Variants in DCC observed in about 807,000 individuals in gnomAD.
DCC encodes netrin receptor DCC.
DCC carries 58 observed loss-of-function variants against 172.5 expected under a neutral mutation model. That is an observed-to-expected ratio of 0.34 (90% CI 0.27 to 0.42). The LOEUF is 0.42. Among genes scored for constraint, DCC ranks in the 10% least tolerant of loss-of-function variants. The probability of loss-of-function intolerance (pLI) is 1.00; values close to 1 mark genes in which losing one functional copy is unlikely to be tolerated. For synonymous variants in DCC, 709 were observed against 644.5 expected (o/e 1.10, Z -1.52); for missense variants, 1,740 against 1,791.0 (o/e 0.97, Z 0.51).
chr18:53,484,247 GTTAT>G, intron 25 of DCC, among the ~76,000 whole-genome samples: 1 of 151,782 alleles, frequency 6.6e-6, no homozygotes, highest in Middle Eastern at 3.4e-3. Flanking sequence ...ACTCATTCAA[GTTAT>G]TTACTTTCTT....
intron 5 of DCC, among the ~76,000 whole-genome samples, chr18:53,002,639 A>C (rs1440803904): frequency 7.0e-6 from 1 of 143,660 alleles, no homozygotes; most frequent in Admixed American, 7.0e-5. Flanking sequence ...GATAATAAGC[A>C]CATGCCAGAT....
chr18:52,468,112 C>T (rs1988840087), intron 1 of DCC, among the ~76,000 whole-genome samples: 1 of 152,056 alleles, frequency 6.6e-6, no homozygotes, highest in African/African-American at 2.4e-5. Context: ...TAACTATGTG[C>T]CAGGTTGCAG....
chr18:53,059,075 T>C (rs548960399), intron 5 of DCC, among the ~76,000 whole-genome samples: 2 of 152,164 alleles, frequency 1.3e-5, no homozygotes, highest in African/African-American at 4.8e-5. Flanking sequence ...TTTGTTCACA[T>C]GGTGGCAGCA....
rs200213348 is a variant in DCC at position 53,099,939 on chromosome 18, C to CTTTTTTTTTTTTTTTTTTTTTT, written c.1261+33776_1261+33777insTTTTTTTTTTTTTTTTTTTTTT. Among the ~76,000 whole-genome samples the CTTTTTTTTTTTTTTTTTTTTTT allele has an allele frequency of 6.0e-4, 52 of 87,166 alleles. 7 individuals are homozygous for CTTTTTTTTTTTTTTTTTTTTTT. Among genetic ancestry groups the CTTTTTTTTTTTTTTTTTTTTTT allele is most frequent in the African/African-American group, 1.2e-3 (22 of 18,840 alleles). 57.2% of individuals were successfully genotyped at this position (87,166 alleles called of 152,430 possible). On this transcript the variant is annotated intron_variant, in intron 7 of 28. Transcript: ENST00000442544. ...AAGAGACTTTTCTTTTCTTTTCTTT[C>CTTTTTTTTTTTTTTTTTTTTTT]TTTCTTTTTTTTTTTTTTTTTGTTT...
intron 12 of DCC, among the ~76,000 whole-genome samples, chr18:53,238,999 A>G: frequency 7.1e-6 from 1 of 140,870 alleles, no homozygotes; most frequent in Middle Eastern, 3.5e-3. Flanking sequence ...AGCAATGAGA[A>G]CACCTGGACA....
intron 1 of DCC, among the ~76,000 whole-genome samples, chr18:52,421,251 T>C (rs1297080505): frequency 6.6e-6 from 1 of 152,062 alleles, no homozygotes; most frequent in East Asian, 1.9e-4. Flanking sequence ...CTCTCAGAAA[T>C]CATGTAGACA....
intron 15 of DCC, among the ~76,000 whole-genome samples, chr18:53,362,573 G>A (rs932075487): frequency 6.6e-6 from 1 of 152,108 alleles, no homozygotes; most frequent in East Asian, 1.9e-4. Context: ...GTCAGTGTGG[G>A]GTGGAGGATG....
intron 12 of DCC, among the ~76,000 whole-genome samples, chr18:53,297,594 A>G (rs1325910992): frequency 2.0e-5 from 3 of 152,208 alleles, no homozygotes; most frequent in Non-Finnish European, 2.9e-5. Context: ...AGGGTTGCCT[A>G]TGAAAGCTAG....
intron 1 of DCC, among the ~76,000 whole-genome samples, chr18:52,597,039 C>T (rs1313746885): frequency 6.6e-6 from 1 of 151,962 alleles, no homozygotes; most frequent in East Asian, 1.9e-4. Flanking sequence ...TGTTTTGTTT[C>T]ACCATATGTT....
chr18:52,691,866 A>G (rs2035934778), intron 1 of DCC, among the ~76,000 whole-genome samples: 1 of 152,098 alleles, frequency 6.6e-6, no homozygotes, highest in South Asian at 2.1e-4. Flanking sequence ...TGTTAATTTG[A>G]CCTGAAAACC....
intron 22 of DCC, among the ~76,000 whole-genome samples, chr18:53,435,555 C>G (rs193048244): frequency 1.3e-5 from 2 of 152,146 alleles, no homozygotes; most frequent in Admixed American, 6.6e-5. Context: ...TTGCAGGAAT[C>G]TAATTTTATT....
intron 2 of DCC, among the ~76,000 whole-genome samples, chr18:52,828,443 C>G (rs2038552280): frequency 6.6e-6 from 1 of 151,764 alleles, no homozygotes; most frequent in South Asian, 2.1e-4. Context: ...TAGTAGGAAG[C>G]ATTTAAAGAA....
At chr18:52,976,461 C>A (rs1009379727) in intron 5 of DCC, among the ~76,000 whole-genome samples, 1 of 152,006 alleles carries the variant, frequency 6.6e-6, no homozygotes, top group Non-Finnish European at 1.5e-5. Flanking sequence ...GGTTGTAGGA[C>A]CCCACTCGTT....
At chr18:53,252,817 A>G (rs1049619254) in intron 12 of DCC, among the ~76,000 whole-genome samples, 42 of 152,154 alleles carry the variant, frequency 2.8e-4, no homozygotes, top group African/African-American at 9.1e-4. Context: ...AATTTGGAAA[A>G]AAATGTTTAT....
chr18:52,972,323 T>A (rs773090280), intron 5 of DCC, among the ~76,000 whole-genome samples: 3 of 152,192 alleles, frequency 2.0e-5, no homozygotes, highest in Non-Finnish European at 4.4e-5. Flanking sequence ...TTGTGTAACA[T>A]GCCACTAAAA....
chr18:53,439,172 A>G (rs928679766), intron 22 of DCC, among the ~76,000 whole-genome samples: 1 of 152,252 alleles, frequency 6.6e-6, no homozygotes, highest in Non-Finnish European at 1.5e-5. Context: ...CAAATAAATG[A>G]TGATAAGTAT....
At chr18:52,605,854 C>T (rs538874658) in intron 1 of DCC, among the ~76,000 whole-genome samples, 34 of 152,084 alleles carry the variant, frequency 2.2e-4, no homozygotes, top group Non-Finnish European at 4.1e-4. Context: ...CTTCCTCTGA[C>T]ACCAGTCAGT....
chr18:53,309,964 G>GTATATATATATATA (rs56355500), intron 13 of DCC, among the ~76,000 whole-genome samples: 258 of 137,320 alleles, frequency 1.9e-3, no homozygotes, highest in African/African-American at 6.3e-3. Context: ...ATACGTGTGT[G>GTATATATATATATA]TATATATATA....
chr18:53,161,041 A>T (rs934296445), intron 8 of DCC, among the ~76,000 whole-genome samples: 1 of 152,204 alleles, frequency 6.6e-6, no homozygotes, highest in Non-Finnish European at 1.5e-5. Context: ...TACACCTATC[A>T]GCATGTCAGC....
Sources: allele counts gnomAD v4.1 joint callset (sites outside exome capture counted in the v4.1 genomes callset), GRCh38; gene constraint gnomAD v4.1.1; transcripts MANE v1.5; gene names NCBI Gene and HGNC (gene_info 2026-07-23, HGNC 2026-07-21).